The following KCNQ1 variants were observed in gnomAD, a reference collection of about 807,000 sequenced individuals.
KCNQ1 encodes the protein potassium voltage-gated channel subfamily KQT member 1.
KCNQ1 carries 49 observed loss-of-function variants against 72.4 expected under a neutral mutation model. That is an observed-to-expected ratio of 0.68 (90% CI 0.54 to 0.86). The LOEUF is 0.86. Among genes scored for constraint, KCNQ1 ranks in the 40% least tolerant of loss-of-function variants. The probability of loss-of-function intolerance (pLI) is 0.00; values close to 1 mark genes in which losing one functional copy is unlikely to be tolerated. For synonymous variants in KCNQ1, 450 were observed against 412.6 expected, an observed-to-expected ratio of 1.09 and a Z score of -1.10; for missense variants, 790 against 945.1, an observed-to-expected ratio of 0.84 and a Z score of 2.15.
chr11:2,519,556 G>A (rs1847344863), intron 1 of KCNQ1, among the ~76,000 whole-genome samples: 1 of 152,102 alleles, frequency 6.6e-6, no homozygotes, highest in Admixed American at 6.5e-5. Flanking sequence ...GGAAATCGAG[G>A]CTGCAGTGAG....
In KCNQ1 at chr11:2,484,012, T is replaced by C. The variant is rs1846694423; in HGVS notation, c.386+38528T>C. 6.6e-6 allele frequency among the ~76,000 whole-genome samples: 1 copy of C among 152,230 alleles called. No individual in the cohort carries two copies. Among genetic ancestry groups the C allele is most frequent in the African/African-American group, 2.4e-5 (1 of 41,458 alleles). On this transcript the variant is annotated intron_variant, in intron 1 of 15. Coordinates refer to ENST00000155840, the MANE Select transcript of KCNQ1 (RefSeq NM_000218.3). The surrounding 1 kb of genome is among the most constrained non-coding windows in gnomAD (Gnocchi z 5.2). ...GGGGATTTGTTTATTTCCCACTTTC[T>C]TTCTATGTTTGTTAATTTGGATTCT...
rs529088644 is a variant in KCNQ1, at chr11:2,720,816, GT to G, written c.1515-48024del. ...GGATCATTTGGGGCAAATGGTCCTC[GT>G]TTTCTTCATTATATGGTGTTGAGTT... is the stretch of plus-strand genomic sequence containing the variant. On this transcript the variant is annotated intron_variant, in intron 11 of 15. Coordinates refer to ENST00000155840, the MANE Select transcript of KCNQ1 (RefSeq NM_000218.3). This position sits in a 1 kb window ranked among gnomAD's most constrained non-coding sequence, Gnocchi z 5.1. Among the ~76,000 whole-genome samples, 4 of 152,256 alleles carry G rather than the reference GT, an allele frequency of 2.6e-5. No individual in the cohort carries two copies. In the East Asian group the frequency reaches 7.7e-4, roughly 29 times the overall value.
At position 2,592,144 on chromosome 11, in the gene KCNQ1, T is replaced by C. The variant is rs1848678874; in HGVS notation, c.1393+3290T>C. ...CCCTGCCTCAGGGCTGCTACCTGTC[T>C]GCGCCATCCACCTGCACACAAGCCC... On this transcript the variant is annotated intron_variant, in intron 10 of 15. Transcript: ENST00000155840. The surrounding 1 kb of genome is among the most constrained non-coding windows in gnomAD (Gnocchi z 5.2). 6.6e-6 allele frequency among the ~76,000 whole-genome samples: 1 copy of C among 152,248 alleles called. No homozygotes were observed. The highest frequency in any genetic ancestry group is 6.5e-5 in the Admixed American group (1 of 15,288).
Position 2,764,626 on chromosome 11 carries a change from G to A in KCNQ1, c.1515-4218G>A, listed in dbSNP as rs534281131. 2.5e-4 allele frequency among the ~76,000 whole-genome samples: 38 copies of A among 152,094 alleles called. No individual in the cohort carries two copies. The highest frequency in any genetic ancestry group is 1.2e-3 in the Admixed American group (18 of 15,290). On this transcript the variant is annotated intron_variant, in intron 11 of 15. Transcript: ENST00000155840. The surrounding 1 kb of genome is among the most constrained non-coding windows in gnomAD (Gnocchi z 4.8). ...TTTGGAAGAATTTACTGGTGATGTC[G>A]TCTAGATACAGAGTTTTCTTTGCCA...
chr11:2,634,327 TC>T (rs1554900017), intron 10 of KCNQ1: 13 of 92,928 alleles, frequency 1.4e-4, no homozygotes, highest in African/African-American at 6.7e-4. Flanking sequence ...CCCTCCCCCC[TC>T]CCCCCCCACC....
chr11:2,706,027 T>C (rs1850906155), intron 11 of KCNQ1, among the ~76,000 whole-genome samples: 1 of 152,066 alleles, frequency 6.6e-6, no homozygotes, highest in South Asian at 2.1e-4. Context: ...AGAAGATGGA[T>C]GTAATTTGGA....
In KCNQ1 at chr11:2,645,499, G is replaced by T. The variant is rs1377428460; in HGVS notation, c.1394-16462G>T. The T allele has an allele frequency of 2.5e-6, 1 of 398,630 alleles. No individual in the cohort carries two copies. Among genetic ancestry groups the T allele is most frequent in the Non-Finnish European group, 4.4e-6 (1 of 226,182 alleles). 24.7% of individuals were successfully genotyped at this position (398,630 alleles called of 1,614,324 possible). A position where few individuals can be genotyped will look rare whatever the true frequency, so the allele number is the denominator to read the frequency against. On this transcript the variant is annotated intron_variant, in intron 10 of 15. Coordinates refer to ENST00000155840, the MANE Select transcript of KCNQ1 (RefSeq NM_000218.3). This position sits in a 1 kb window ranked among gnomAD's most constrained non-coding sequence, Gnocchi z 5.8. Reference sequence around the variant, plus strand: ...CCTGCTGAATGCTCATGTTGGGGCAGCAGCAACTCTATTGCAGCCCTACTC... The same window carrying T: ...CCTGCTGAATGCTCATGTTGGGGCATCAGCAACTCTATTGCAGCCCTACTC...
At chr11:2,553,734 A>G (rs1848026787) in intron 2 of KCNQ1, among the ~76,000 whole-genome samples, 1 of 150,576 alleles carries the variant, frequency 6.6e-6, no homozygotes, top group Admixed American at 6.6e-5. Context: ...TATTTTTTTG[A>G]GATGGAGTCT....
chr11:2,725,206 G>T lies in KCNQ1; in HGVS notation c.1515-43638G>T, dbSNP rs201043754. Reference sequence around the variant, plus strand: ...GGAAGCCGACGGCCATCTGTGCTCAGACCCAGTGGTGAGCCTAAGACAAGT... The same window carrying T: ...GGAAGCCGACGGCCATCTGTGCTCATACCCAGTGGTGAGCCTAAGACAAGT... On this transcript the variant is annotated intron_variant, in intron 11 of 15. Transcript: ENST00000155840. The surrounding 1 kb of genome is among the most constrained non-coding windows in gnomAD (Gnocchi z 7.2). 1.2e-4 allele frequency among the ~76,000 whole-genome samples: 19 copies of T among 152,348 alleles called. No individual in the cohort carries two copies. The East Asian group carries it at 3.7e-3, about 29-fold the overall frequency.
chr11:2,528,069 G>A (rs1847543014), intron 2 of KCNQ1, 51 bp downstream of exon 2: 1 of 1,479,020 alleles, frequency 6.8e-7, no homozygotes, highest in Non-Finnish European at 9.4e-7. Context: ...CTTGGAAGCT[G>A]GCATCTCCCT....
Position 2,633,494 on chromosome 11 carries a change from T to G in KCNQ1, c.1394-28467T>G, listed in dbSNP as rs1589993716. ...CCTTCTGTTTTCTTCTAGTACTGTTTGCTTCAGGTCTCATGTTTAAGTCTC... is the reference window on the plus strand; with the variant it reads ...CCTTCTGTTTTCTTCTAGTACTGTTGGCTTCAGGTCTCATGTTTAAGTCTC... On this transcript the variant is annotated intron_variant, in intron 10 of 15. Transcript: ENST00000155840. 1.0e-5 allele frequency: 4 copies of G among 398,586 alleles called. No individual in the cohort carries two copies. The East Asian group carries it at 1.4e-4, about 14-fold the overall frequency. 24.7% of individuals were successfully genotyped at this position (398,586 alleles called of 1,614,324 possible). A position where few individuals can be genotyped will look rare whatever the true frequency, so the allele number is the denominator to read the frequency against.
rs866888035 is a variant in KCNQ1 at position 2,697,631 on chromosome 11, A to G, written c.1514+35550A>G. ...TTTTTCTGCCTCTATTGAGGGAACC[A>G]TATGGTTTTTCTCCTGTAGCCTCTT... On this transcript the variant is annotated intron_variant, in intron 11 of 15. Coordinates refer to ENST00000155840, the MANE Select transcript of KCNQ1 (RefSeq NM_000218.3). The G allele has an allele frequency of 2.8e-5, 11 of 398,600 alleles. 1 individual carries two copies. In the South Asian group the frequency reaches 3.8e-4, roughly 14 times the overall value. The allele number at this position is 398,600 out of a possible 1,614,324, so 24.7% of individuals were successfully genotyped here.
rs1006501007 is a variant in KCNQ1 at position 2,612,713 on chromosome 11, G to T, written c.1393+23859G>T. On this transcript the variant is annotated intron_variant, in intron 10 of 15. Transcript: ENST00000155840. This position sits in a 1 kb window ranked among gnomAD's most constrained non-coding sequence, Gnocchi z 5.5. ...GTTATAATACTTACTTTGAAATCGC[G>T]CCCTAACATTTGGGGCCCTTCAGAG... 4 of 398,246 alleles carry T rather than the reference G, an allele frequency of 1.0e-5. No homozygotes were observed. Among genetic ancestry groups the T allele is most frequent in the Non-Finnish European group, 1.8e-5 (4 of 226,022 alleles). The allele number at this position is 398,246 out of a possible 1,614,324, so 24.7% of individuals were successfully genotyped here.
intron 10 of KCNQ1, chr11:2,618,777 A>G: frequency 2.5e-6 from 1 of 398,430 alleles, no homozygotes. Context: ...TTTGGATATT[A>G]TTGACATTTT....
intron 2 of KCNQ1, among the ~76,000 whole-genome samples, chr11:2,531,973 A>C (rs372011001): frequency 1.4e-4 from 21 of 151,996 alleles, no homozygotes; most frequent in African/African-American, 4.6e-4. Context: ...ACCCCACCTC[A>C]CCCAGCCTGG....
At chr11:2,523,751 GTTTT>G (rs59766245) in intron 1 of KCNQ1, among the ~76,000 whole-genome samples, 4 of 115,148 alleles carry the variant, frequency 3.5e-5, no homozygotes, top group African/African-American at 1.0e-4. Context: ...GAAGTTTACA[GTTTT>G]TTTTTTTTTT....
intron 10 of KCNQ1, chr11:2,640,216 G>A (rs1238477332): frequency 2.5e-6 from 1 of 394,354 alleles, no homozygotes; most frequent in Non-Finnish European, 4.5e-6. Context: ...CCACTGTCCT[G>A]TACCCACTGT....
intron 11 of KCNQ1, among the ~76,000 whole-genome samples, chr11:2,705,902 G>A (rs544201024): frequency 7.2e-5 from 11 of 152,360 alleles, no homozygotes; most frequent in African/African-American, 2.4e-4. Context: ...TGTAGAGGGT[G>A]AGGCTGCTGA....
In KCNQ1 at chr11:2,445,412, A is replaced by C; in HGVS notation, c.314A>C (p.His105Pro). ...STRRPVLART[H>P]VQGRVYNFLE... is the part of the protein sequence containing the mutation. ...CGCCGCCCGGTGTTGGCGCGCACCC[A>C]CGTCCAGGGCCGCGTCTACAACTTC... The change falls in exon 1 of 16, where the codon CAC (histidine) becomes CCC (proline). Residue 105 changes from histidine to proline, a missense_variant. By Grantham distance (77) the His-to-Pro change is moderately conservative. Around this residue, in one of 5 missense-constraint regions of KCNQ1, gnomAD observed 294 missense variants for 323.3 expected, o/e 0.91. Coordinates refer to ENST00000155840, the MANE Select transcript of KCNQ1 (RefSeq NM_000218.3). 1 of 1,597,868 alleles carries C rather than the reference A, an allele frequency of 6.3e-7. No individual in the cohort carries two copies. Among genetic ancestry groups the C allele is most frequent in the South Asian group, 1.1e-5 (1 of 90,998 alleles).
Sources: allele counts gnomAD v4.1 joint callset (sites outside exome capture counted in the v4.1 genomes callset), GRCh38; gene constraint gnomAD v4.1.1; regional missense constraint gnomAD v4.1.1; non-coding constraint Gnocchi (gnomAD v3.1); transcripts MANE v1.5; gene names NCBI Gene and HGNC (gene_info 2026-07-23, HGNC 2026-07-21).